TEX15: variants seen among roughly 807,000 people sequenced by gnomAD.
TEX15 encodes testis-expressed protein 15.
A neutral mutation model predicts 237.3 loss-of-function variants in TEX15; 171 were observed. That is an observed-to-expected ratio of 0.72 (90% CI 0.64 to 0.82). The LOEUF is 0.82. TEX15 is among the 40% of genes least tolerant of loss of function. The probability of loss-of-function intolerance (pLI) is 0.00; values close to 1 mark genes in which losing one functional copy is unlikely to be tolerated. For missense variants in TEX15, 3,750 were observed against 3,646.5 expected, an observed-to-expected ratio of 1.03 and a Z score of -0.73; for synonymous variants, 1,338 against 1,269.8, an observed-to-expected ratio of 1.05 and a Z score of -1.14.
In TEX15 at chr8:30,911,142, C is replaced by CAA. The variant is rs1471215931; in HGVS notation, c.-86+1736_-86+1737insTT. Among the ~76,000 whole-genome samples, 17 of 152,140 alleles carry CAA rather than the reference C, an allele frequency of 1.1e-4. 1 individual carries two copies. The South Asian group carries it at 2.1e-3, about 19-fold the overall frequency. ...CCACTTTATTTTTATTTTTTTGAGA[C>CAA]AGAGTCTCGCTCTGTCGCCCGGGCT... On this transcript the variant is annotated intron_variant, in intron 1 of 10. Transcript: ENST00000643185.
Position 30,831,747 on chromosome 8 carries a change from T to C in TEX15, c.*1539A>G, listed in dbSNP as rs1211796938. ...TAACTTTTGGTTTACATATTAGTAG[T>C]AGTATTAACTATAAATGCTGTAACA... On this transcript the variant is annotated 3_prime_UTR_variant, in exon 11 of 11. Coordinates refer to ENST00000643185, the MANE Select transcript of TEX15 (RefSeq NM_001350162.2). 1 of 152,218 alleles carries C rather than the reference T, an allele frequency of 6.6e-6. No homozygotes were observed. The highest frequency in any genetic ancestry group is 2.4e-5 in the African/African-American group (1 of 41,470). The allele number at this position is 152,218 out of a possible 1,614,324, so 9.4% of individuals were successfully genotyped here. A position where few individuals can be genotyped will look rare whatever the true frequency, so the allele number is the denominator to read the frequency against.
Position 30,849,301 on chromosome 8 carries a change from A to G in TEX15, c.866T>C (p.Leu289Pro), listed in dbSNP as rs1807713058. 6 of 1,519,826 alleles carry G rather than the reference A, an allele frequency of 3.9e-6. No homozygotes were observed. Among genetic ancestry groups the G allele is most frequent in the African/African-American group, 1.4e-5 (1 of 72,086 alleles). The allele number at this position is 1,519,826 out of a possible 1,614,324, so 94.1% of individuals were successfully genotyped here. The change falls in exon 8 of 11, where the codon CTG becomes CCG. Residue 289 changes from leucine (L) to proline (P), a missense_variant. Leu to Pro is a moderately conservative substitution (Grantham distance 98, BLOSUM62 -3). Coordinates refer to ENST00000643185, the MANE Select transcript of TEX15 (RefSeq NM_001350162.2). ...FPKRAERTCSLNNCTVAKRFG... is the reference protein window; with the variant it reads ...FPKRAERTCSPNNCTVAKRFG... ...TCTTTTGGCCACTGTACAGTTATTC[A>G]GAGAGCATGTCCTTTCTGTGGAAAT...
At chr8:30,872,670 T>C (rs1325446884) in intron 4 of TEX15, among the ~76,000 whole-genome samples, 3 of 152,032 alleles carry the variant, frequency 2.0e-5, no homozygotes, top group South Asian at 4.2e-4. Flanking sequence ...GTCAATGATA[T>C]TGATGATCCT....
At chr8:30,833,408 A>C in intron 10 of TEX15, 85 bp from the exon 11 acceptor site, 2 of 1,038,922 alleles carry the variant, frequency 1.9e-6, no homozygotes, top group Non-Finnish European at 2.8e-6. Flanking sequence ...CCTGAGTTTA[A>C]ATTACAGCTA....
chr8:30,881,610 C>CA lies in TEX15; in HGVS notation c.136+5556_136+5557insT, dbSNP rs1808522902. Among the ~76,000 whole-genome samples the CA allele has an allele frequency of 6.4e-4, 70 of 109,456 alleles. 1 individual carries two copies. Among genetic ancestry groups the CA allele is most frequent in the African/African-American group, 4.0e-3 (61 of 15,412 alleles). 71.8% of individuals were successfully genotyped at this position (109,456 alleles called of 152,430 possible). On this transcript the variant is annotated intron_variant, in intron 3 of 10. Transcript: ENST00000643185. ...TTCATTAATTATCCTTCCATCTTGA[C>CA]TTTTTATTTTTTTTTATTATTTTTT...
intron 5 of TEX15, among the ~76,000 whole-genome samples, chr8:30,860,991 A>G (rs748853613): frequency 6.6e-6 from 1 of 152,152 alleles, no homozygotes; most frequent in Non-Finnish European, 1.5e-5. Context: ...AATTACACAT[A>G]TAAAAACATT....
chr8:30,861,087 A>C (rs1278771981), intron 5 of TEX15, among the ~76,000 whole-genome samples: 2 of 152,174 alleles, frequency 1.3e-5, no homozygotes, highest in African/African-American at 4.8e-5. Context: ...AGCCTGGAGT[A>C]AGCTCCAACA....
chr8:30,853,185 G>A (rs1000372737), intron 7 of TEX15, among the ~76,000 whole-genome samples: 1 of 152,214 alleles, frequency 6.6e-6, no homozygotes, highest in African/African-American at 2.4e-5. Flanking sequence ...CCTATCTGTT[G>A]TCTCTAATAT....
chr8:30,850,468 T>C (rs1563246572), intron 7 of TEX15, among the ~76,000 whole-genome samples: 1 of 152,182 alleles, frequency 6.6e-6, no homozygotes, highest in Non-Finnish European at 1.5e-5. Context: ...CATATGAAGT[T>C]ATCATGTCAC....
In TEX15 at chr8:30,848,852, T is replaced by A. The variant is rs769797437; in HGVS notation, c.1315A>T (p.Arg439Ter). 6.2e-7 allele frequency: 1 copy of A among 1,614,092 alleles called. No homozygotes were observed. The highest frequency in any genetic ancestry group is 1.1e-5 in the South Asian group (1 of 91,084). ...KSIKDPRLMR[R>*]EESMGEQSST... The stretch of plus-strand genomic sequence containing the variant: ...CTCTGTTCTCCCATACTTTCTTCTC[T>A]CCTCATCAGTCTTGGGTCTTTGATG... The change falls in exon 8 of 11, where the codon AGA (arginine) becomes TGA (stop). Residue 439 changes from arginine to a stop codon, truncating the protein, a stop_gained. Transcript: ENST00000643185. LOFTEE classifies it high-confidence loss of function.
intron 2 of TEX15, among the ~76,000 whole-genome samples, chr8:30,891,136 T>C (rs1191588315): frequency 6.6e-6 from 1 of 152,170 alleles, no homozygotes; most frequent in Non-Finnish European, 1.5e-5. Context: ...CTCAAACTCC[T>C]GAGCTCAAGC....
chr8:30,851,869 A>C (rs931086882), intron 7 of TEX15, among the ~76,000 whole-genome samples: 2 of 150,996 alleles, frequency 1.3e-5, no homozygotes, highest in African/African-American at 4.9e-5. Context: ...AGGAGGCGGA[A>C]GTTGCAGTGA....
At chr8:30,836,056 C>T (rs1807284480) in intron 10 of TEX15, among the ~76,000 whole-genome samples, 2 of 152,000 alleles carry the variant, frequency 1.3e-5, no homozygotes, top group Non-Finnish European at 2.9e-5. Flanking sequence ...AAGTTTTTAC[C>T]TGAAGATAGA....
chr8:30,911,749 C>T (rs536258588), intron 1 of TEX15, among the ~76,000 whole-genome samples: 5 of 152,274 alleles, frequency 3.3e-5, no homozygotes, highest in African/African-American at 1.2e-4. Context: ...CACTGTCTCC[C>T]GACACAGCCA....
At chr8:30,905,511 A>G (rs1473589784) in intron 1 of TEX15, among the ~76,000 whole-genome samples, 4 of 152,160 alleles carry the variant, frequency 2.6e-5, no homozygotes, top group Admixed American at 6.5e-5. Flanking sequence ...AAAATTTAGC[A>G]TAATTCAGAT....
intron 7 of TEX15, among the ~76,000 whole-genome samples, chr8:30,850,139 A>G (rs2128768690): frequency 6.6e-6 from 1 of 152,302 alleles, no homozygotes; most frequent in African/African-American, 2.4e-5. Context: ...GGAAAACCCA[A>G]AAAGTTCCAT....
rs1808528061 is a variant in TEX15 at position 30,881,631 on chromosome 8, T to TA, written c.136+5535_136+5536insT. Among the ~76,000 whole-genome samples, 4 of 140,572 alleles carry TA rather than the reference T, an allele frequency of 2.8e-5. 1 individual carries two copies. The South Asian group carries it at 8.8e-4, about 31-fold the overall frequency. The allele number at this position is 140,572 out of a possible 152,430, so 92.2% of individuals were successfully genotyped here. A position where few individuals can be genotyped will look rare whatever the true frequency, so the allele number is the denominator to read the frequency against. Reference sequence around the variant, plus strand: ...TTGACTTTTTATTTTTTTTTATTATTTTTTTTTTTTGAGACAGTCTTGCTC... The same window carrying TA: ...TTGACTTTTTATTTTTTTTTATTATTATTTTTTTTTTGAGACAGTCTTGCTC... On this transcript the variant is annotated intron_variant, in intron 3 of 10. Transcript: ENST00000643185.
intron 2 of TEX15, among the ~76,000 whole-genome samples, chr8:30,892,133 G>T (rs1385487795): frequency 2.6e-5 from 4 of 151,980 alleles, no homozygotes; most frequent in Non-Finnish European, 5.9e-5. Flanking sequence ...TCATAGTTTT[G>T]CCTTTTACCT....
chr8:30,837,825 T>G lies in TEX15; in HGVS notation c.8459A>C (p.Lys2820Thr). 6 of 1,614,162 alleles carry G rather than the reference T, an allele frequency of 3.7e-6. No homozygotes were observed. Among genetic ancestry groups the G allele is most frequent in the Non-Finnish European group, 5.1e-6 (6 of 1,180,022 alleles). The change falls in exon 10 of 11, where the codon AAA becomes ACA. Residue 2820 changes from lysine to threonine, a missense_variant. Transcript: ENST00000643185. ...AGCAGCACTGAAGTTCACATTTCTT[T>G]TCTTCATGCTATTTAAATTTTCCTG... The part of the protein sequence containing the change: ...GQQENLNSMK[K>T]RNVNFSAAET...
Sources: allele counts gnomAD v4.1 joint callset (sites outside exome capture counted in the v4.1 genomes callset), GRCh38; gene constraint gnomAD v4.1.1; transcripts MANE v1.5; gene names NCBI Gene and HGNC (gene_info 2026-07-23, HGNC 2026-07-21).